The following GRIA4 variants were observed in gnomAD, a reference collection of about 807,000 sequenced individuals.
GRIA4 encodes the protein glutamate receptor 4.
GRIA4 carries 34 observed loss-of-function variants against 104.0 expected under a neutral mutation model. That is an observed-to-expected ratio of 0.33 (90% CI 0.25 to 0.44). GRIA4 has a LOEUF of 0.44. GRIA4 is among the 20% of genes least tolerant of loss of function. The probability of loss-of-function intolerance (pLI) is 1.00; values close to 1 mark genes in which losing one functional copy is unlikely to be tolerated. For missense variants in GRIA4, 750 were observed against 1,096.5 expected (o/e 0.68, Z 4.46); for synonymous variants, 386 against 381.9 (o/e 1.01, Z -0.13).
At chr11:105,805,877 G>A (rs1007810735) in intron 4 of GRIA4, among the ~76,000 whole-genome samples, 1 of 151,774 alleles carries the variant, frequency 6.6e-6, no homozygotes, top group Non-Finnish European at 1.5e-5. Context: ...CATAAATGTG[G>A]CCTAACTGGA....
chr11:105,872,907 A>T (rs1945669286), intron 5 of GRIA4, among the ~76,000 whole-genome samples: 1 of 152,038 alleles, frequency 6.6e-6, no homozygotes, highest in African/African-American at 2.4e-5. Context: ...TTTCACAGGA[A>T]TATCTTAGAT....
chr11:105,930,668 T>C (rs755982045), intron 13 of GRIA4, among the ~76,000 whole-genome samples: 33 of 152,154 alleles, frequency 2.2e-4, no homozygotes, highest in Non-Finnish European at 4.6e-4. Context: ...TACCAAACCC[T>C]AAAAACACAC....
intron 14 of GRIA4, among the ~76,000 whole-genome samples, chr11:105,954,968 A>G (rs1339404001): frequency 2.7e-5 from 4 of 149,952 alleles, no homozygotes; most frequent in Non-Finnish European, 5.9e-5. Context: ...TGCTATATAT[A>G]TAATGTTACA....
chr11:105,691,976 C>A (rs1953103869), intron 3 of GRIA4, among the ~76,000 whole-genome samples: 1 of 147,438 alleles, frequency 6.8e-6, no homozygotes, highest in Non-Finnish European at 1.5e-5. Flanking sequence ...AAATATATAT[C>A]TCTATATTGT....
chr11:105,636,530 T>A (rs1213593434), intron 3 of GRIA4, among the ~76,000 whole-genome samples: 2 of 152,172 alleles, frequency 1.3e-5, no homozygotes, highest in Non-Finnish European at 2.9e-5. Flanking sequence ...ATCACCCAAG[T>A]GATCTCTACA....
Position 105,974,448 on chromosome 11 carries a change from G to T in GRIA4, c.2544+4G>T. On this transcript the variant is annotated splice_donor_region_variant and intron_variant, in intron 16 of 16. Coordinates refer to ENST00000282499, the MANE Select transcript of GRIA4 (RefSeq NM_000829.4). ...GGCAGAAGCGAAGAGAATGAAGGTG[G>T]CAAAGAGTGCACAGACTTTTAACCC... 6.2e-7 allele frequency: 1 copy of T among 1,613,942 alleles called. No individual in the cohort carries two copies. Among genetic ancestry groups the T allele is most frequent in the Middle Eastern group, 1.6e-4 (1 of 6,062 alleles).
In GRIA4 at chr11:105,691,689, C is replaced by A. The variant is rs573574130; in HGVS notation, c.248-61292C>A. Among the ~76,000 whole-genome samples the A allele has an allele frequency of 2.0e-5, 3 of 152,120 alleles. No homozygotes were observed. The East Asian group carries it at 5.8e-4, about 29-fold the overall frequency. On this transcript the variant is annotated intron_variant, in intron 3 of 16. Coordinates refer to ENST00000282499, the MANE Select transcript of GRIA4 (RefSeq NM_000829.4). ...CAGTGGTTCACGCCTGTAATCCCAGCACTTTGAGAGGCCGAGGTGGGCGAA... is the reference window on the plus strand; with the variant it reads ...CAGTGGTTCACGCCTGTAATCCCAGAACTTTGAGAGGCCGAGGTGGGCGAA...
chr11:105,914,568 T>A lies in GRIA4; in HGVS notation c.1269+4023T>A, dbSNP rs1019126601. Among the ~76,000 whole-genome samples, 5 of 152,198 alleles carry A rather than the reference T, an allele frequency of 3.3e-5. No individual in the cohort carries two copies. The East Asian group carries it at 7.7e-4, about 23-fold the overall frequency. On this transcript the variant is annotated intron_variant, in intron 10 of 16. Coordinates refer to ENST00000282499, the MANE Select transcript of GRIA4 (RefSeq NM_000829.4). Reference sequence around the variant, plus strand: ...TAATTAATTTACATAAATACTTTCATAAACAAGCCCTAATGTAGCAGCTTT... The same window carrying A: ...TAATTAATTTACATAAATACTTTCAAAAACAAGCCCTAATGTAGCAGCTTT...
At chr11:105,978,662 A>G (rs1332383471) in intron 16 of GRIA4, among the ~76,000 whole-genome samples, 1 of 152,190 alleles carries the variant, frequency 6.6e-6, no homozygotes, top group East Asian at 1.9e-4. Context: ...AATTAGATAC[A>G]TGCTGAGTTG....
In GRIA4 at chr11:105,961,940, T is replaced by G. The variant is rs147468422; in HGVS notation, c.2295-9974T>G. 1.5e-3 allele frequency among the ~76,000 whole-genome samples: 236 copies of G among 152,344 alleles called. 6 individuals are homozygous for G. The East Asian group carries it at 0.034, about 22-fold the overall frequency. Reference sequence around the variant, plus strand: ...GTTTAAACCAGACCAAAGATAATACTGCAAGTTATTTGTTCTACAAACTAC... The same window carrying G: ...GTTTAAACCAGACCAAAGATAATACGGCAAGTTATTTGTTCTACAAACTAC... On this transcript the variant is annotated intron_variant, in intron 14 of 16. Transcript: ENST00000282499.
chr11:105,827,505 G>C (rs1943815124), intron 4 of GRIA4, among the ~76,000 whole-genome samples: 1 of 151,810 alleles, frequency 6.6e-6, no homozygotes, highest in Non-Finnish European at 1.5e-5. Flanking sequence ...TCATTTCAGA[G>C]GTTTACTAAA....
chr11:105,914,366 C>A (rs1251866781), intron 10 of GRIA4, among the ~76,000 whole-genome samples: 1 of 151,924 alleles, frequency 6.6e-6, no homozygotes, highest in Non-Finnish European at 1.5e-5. Flanking sequence ...TAACACTGAT[C>A]TCATTATTTT....
chr11:105,730,277 C>A (rs995717995), intron 3 of GRIA4, among the ~76,000 whole-genome samples: 2 of 152,104 alleles, frequency 1.3e-5, no homozygotes, highest in African/African-American at 4.8e-5. Flanking sequence ...CTCCCATTCA[C>A]AATTGCTACA....
chr11:105,710,910 A>G (rs754390709), intron 3 of GRIA4, among the ~76,000 whole-genome samples: 2 of 152,008 alleles, frequency 1.3e-5, no homozygotes, highest in Admixed American at 1.3e-4. Flanking sequence ...GTTTCCTACT[A>G]TTTTATTAGG....
chr11:105,688,648 A>G (rs1218002437), intron 3 of GRIA4, among the ~76,000 whole-genome samples: 3 of 152,218 alleles, frequency 2.0e-5, no homozygotes, highest in Non-Finnish European at 4.4e-5. Flanking sequence ...TAAGCTACTA[A>G]TATGCAACAG....
At chr11:105,866,549 G>GTATA (rs1345654796) in intron 5 of GRIA4, among the ~76,000 whole-genome samples, 3,583 of 77,536 alleles carry the variant, frequency 0.046, 87 homozygotes, top group Non-Finnish European at 0.068. Context: ...GTGTGTGTGT[G>GTATA]TGTATATATA....
At chr11:105,681,713 A>C (rs1473244296) in intron 3 of GRIA4, among the ~76,000 whole-genome samples, 1 of 152,214 alleles carries the variant, frequency 6.6e-6, no homozygotes, top group Non-Finnish European at 1.5e-5. Context: ...TATGGAATTG[A>C]CAATATTTTC....
At chr11:105,616,028 A>C (rs1250117303) in intron 3 of GRIA4, among the ~76,000 whole-genome samples, 3 of 151,792 alleles carry the variant, frequency 2.0e-5, no homozygotes, top group Non-Finnish European at 4.4e-5. Flanking sequence ...TTCTGAAATG[A>C]GTCATTTAAA....
chr11:105,966,168 C>A, intron 14 of GRIA4: 1 of 731,076 alleles, frequency 1.4e-6, no homozygotes, highest in Non-Finnish European at 2.3e-6. Context: ...AATTGCTAGT[C>A]CAGTCCCTTC....
Sources: gnomAD v4.1 joint callset for allele counts (sites outside exome capture counted in the v4.1 genomes callset) on GRCh38, gnomAD v4.1.1 for gene constraint, MANE v1.5 for transcripts, NCBI Gene and HGNC (gene_info 2026-07-23, HGNC 2026-07-21) for gene names.